PDE4D: variants seen among roughly 807,000 people sequenced by gnomAD.
The protein encoded by PDE4D is 3',5'-cyclic-AMP phosphodiesterase 4D.
Under a neutral mutation model 87.4 loss-of-function variants are expected in PDE4D, and 24 were observed. The ratio of observed to expected loss-of-function variants is 0.27; its 90% CI spans 0.20 to 0.39. PDE4D has a LOEUF of 0.39. Ranked by LOEUF, PDE4D falls within the 10% of genes least tolerant of loss-of-function variation. The probability of loss-of-function intolerance (pLI) is 1.00; values close to 1 mark genes in which losing one functional copy is unlikely to be tolerated. For missense variants in PDE4D, 714 were observed against 1,041.0 expected, an observed-to-expected ratio of 0.69 and a Z score of 4.32; for synonymous variants, 384 against 383.2, an observed-to-expected ratio of 1.00 and a Z score of -0.02.
intron 1 of PDE4D, among the ~76,000 whole-genome samples, chr5:59,413,898 C>T (rs911528053): frequency 6.6e-6 from 1 of 152,160 alleles, no homozygotes; most frequent in Non-Finnish European, 1.5e-5. Flanking sequence ...CCCTTGATAT[C>T]TACAAATACA....
chr5:59,864,242 T>C (rs1317575689), intron 1 of PDE4D, among the ~76,000 whole-genome samples: 3 of 152,172 alleles, frequency 2.0e-5, no homozygotes, highest in Non-Finnish European at 2.9e-5. Context: ...TGAAACCTTA[T>C]AGAATTAAAA....
chr5:60,191,935 G>C (rs997333779), intron 1 of PDE4D, among the ~76,000 whole-genome samples: 3 of 152,132 alleles, frequency 2.0e-5, no homozygotes, highest in African/African-American at 7.2e-5. Context: ...AGGAGGCAGA[G>C]GTTGCAGTGA....
At chr5:59,506,672 T>C (rs1416873966) in intron 1 of PDE4D, among the ~76,000 whole-genome samples, 3 of 151,270 alleles carry the variant, frequency 2.0e-5, no homozygotes, top group African/African-American at 7.3e-5. Context: ...ACTTCAAAAG[T>C]CCAGAAAAAA....
chr5:59,038,460 T>C (rs1758948204), intron 6 of PDE4D, among the ~76,000 whole-genome samples: 2 of 152,156 alleles, frequency 1.3e-5, no homozygotes, highest in Admixed American at 6.5e-5. Flanking sequence ...CGATGAACTC[T>C]TCTGAGTTTG....
chr5:60,424,470 C>A (rs75881203), intron 1 of PDE4D, among the ~76,000 whole-genome samples: 1 of 152,106 alleles, frequency 6.6e-6, no homozygotes, highest in Non-Finnish European at 1.5e-5. Flanking sequence ...AGGCCTTCAA[C>A]AAAATTCGAT....
chr5:59,889,370 C>T (rs1465884652), intron 1 of PDE4D, among the ~76,000 whole-genome samples: 1 of 151,718 alleles, frequency 6.6e-6, no homozygotes. Flanking sequence ...AATCCCAGCA[C>T]TTTGGGAGTC....
intron 1 of PDE4D, among the ~76,000 whole-genome samples, chr5:59,669,408 G>A (rs993355140): frequency 2.6e-5 from 4 of 152,186 alleles, no homozygotes; most frequent in South Asian, 2.1e-4. Context: ...CACCGTGCCC[G>A]GCCTTAGTTC....
chr5:59,808,683 C>T (rs1451964205), intron 1 of PDE4D, among the ~76,000 whole-genome samples: 1 of 152,126 alleles, frequency 6.6e-6, no homozygotes, highest in Non-Finnish European at 1.5e-5. Flanking sequence ...GAACCCTTTT[C>T]CCCAGATACC....
intron 5 of PDE4D, chr5:59,180,322 C>T (rs749671404): frequency 1.3e-5 from 8 of 616,948 alleles, no homozygotes; most frequent in Non-Finnish European, 2.4e-5. Flanking sequence ...TCTCAAAATA[C>T]AAATGCCCAG....
At chr5:59,237,566 C>T (rs1838733) in intron 1 of PDE4D, among the ~76,000 whole-genome samples, 48,039 of 151,988 alleles carry the variant, frequency 0.32, 8,085 homozygotes, top group Admixed American at 0.41. Context: ...TACAAGACAT[C>T]GACAGGTGCT....
chr5:59,320,750 T>TA (rs1774570841), intron 1 of PDE4D, among the ~76,000 whole-genome samples: 1 of 152,112 alleles, frequency 6.6e-6, no homozygotes, highest in African/African-American at 2.4e-5. Flanking sequence ...ATTGTGAACT[T>TA]AGAGCACCGC....
chr5:59,359,775 G>C (rs1186522123), intron 1 of PDE4D, among the ~76,000 whole-genome samples: 1 of 152,232 alleles, frequency 6.6e-6, no homozygotes, highest in South Asian at 2.1e-4. Flanking sequence ...TATTTTTCCA[G>C]ATGAATTTTA....
At chr5:59,414,715 G>A (rs1023811780) in intron 1 of PDE4D, among the ~76,000 whole-genome samples, 12 of 152,100 alleles carry the variant, frequency 7.9e-5, no homozygotes, top group Admixed American at 4.6e-4. Flanking sequence ...TCAAGATATC[G>A]AACAAACAAC....
intron 5 of PDE4D, among the ~76,000 whole-genome samples, chr5:59,102,786 T>C (rs1770981360): frequency 6.6e-6 from 1 of 152,198 alleles, no homozygotes. Flanking sequence ...CATAGGGCTC[T>C]GTAATCTGTG....
At chr5:59,462,463 A>C (rs1293023721) in intron 1 of PDE4D, among the ~76,000 whole-genome samples, 1 of 152,116 alleles carries the variant, frequency 6.6e-6, no homozygotes, top group Non-Finnish European at 1.5e-5. Flanking sequence ...CATCTCCAAC[A>C]CATCAGTATA....
At chr5:59,085,936 G>A (rs1261448192) in intron 5 of PDE4D, among the ~76,000 whole-genome samples, 1 of 152,142 alleles carries the variant, frequency 6.6e-6, no homozygotes, top group East Asian at 1.9e-4. Flanking sequence ...GGAGGTTGGG[G>A]TTGTAGAAGG....
intron 11 of PDE4D, among the ~76,000 whole-genome samples, chr5:58,981,315 AT>A (rs1270761118): frequency 6.6e-6 from 1 of 152,146 alleles, no homozygotes; most frequent in East Asian, 1.9e-4. Flanking sequence ...GGCTACAACT[AT>A]CCTGCATACA....
intron 1 of PDE4D, among the ~76,000 whole-genome samples, chr5:59,428,872 G>A (rs1446573905): frequency 6.6e-6 from 1 of 152,094 alleles, no homozygotes; most frequent in African/African-American, 2.4e-5. Flanking sequence ...GGTAAGTAAT[G>A]TATTCTACTG....
chr5:60,149,421 T>A (rs1781296191), intron 2 of PDE4D, among the ~76,000 whole-genome samples: 1 of 152,282 alleles, frequency 6.6e-6, no homozygotes, highest in Non-Finnish European at 1.5e-5. Context: ...GGAAGAACTC[T>A]TATGACCTAA....
Sources: allele counts gnomAD v4.1 joint callset (sites outside exome capture counted in the v4.1 genomes callset), GRCh38; gene constraint gnomAD v4.1.1; transcripts MANE v1.5; gene names NCBI Gene and HGNC (gene_info 2026-07-23, HGNC 2026-07-21).